The following TNNT3 variants were observed in gnomAD, a reference collection of about 807,000 sequenced individuals.
The protein encoded by TNNT3 is troponin T, fast skeletal muscle.
TNNT3 carries 36 observed loss-of-function variants against 54.2 expected under a neutral mutation model. That is an observed-to-expected ratio of 0.66 (90% confidence interval 0.51 to 0.88). The LOEUF is 0.88. Ranked by LOEUF, TNNT3 falls within the 40% of genes least tolerant of loss-of-function variation. TNNT3 has a pLI of 0.00. For missense variants in TNNT3, 291 were observed against 331.6 expected (o/e 0.88, Z 0.95); for synonymous variants, 120 against 109.7 (o/e 1.09, Z -0.59).
At chr11:1,925,484 C>A (rs1851326715) in intron 5 of TNNT3, 4 of 634,890 alleles carry the variant, frequency 6.3e-6, no homozygotes, top group African/African-American at 1.8e-5. Flanking sequence ...GGCCCCCTTC[C>A]CCACAGCCCC....
intron 15 of TNNT3, 39 bp downstream of exon 15, chr11:1,937,042 G>A (rs1855316197): frequency 6.4e-7 from 1 of 1,559,824 alleles, no homozygotes; most frequent in Admixed American, 1.9e-5. Flanking sequence ...ACTGGGCACA[G>A]GGGCCCTTGG....
Position 1,919,717 on chromosome 11 carries a change from G to T in TNNT3, c.-64G>T, listed in dbSNP as rs921077987. 6.6e-6 allele frequency: 1 copy of T among 152,292 alleles called. No individual in the cohort carries two copies. The highest frequency in any genetic ancestry group is 1.5e-5 in the Non-Finnish European group (1 of 68,112). 9.4% of individuals were successfully genotyped at this position (152,292 alleles called of 1,614,324 possible). On this transcript the variant is annotated 5_prime_UTR_variant, in exon 1 of 16. Coordinates refer to ENST00000278317, the MANE Select transcript of TNNT3 (RefSeq NM_006757.4). ...AGCCGGGCGCCAGTGCCTGCAGCCG[G>T]TGCTGTCCACAGGGAGCTCCAGCCC...
In TNNT3 at chr11:1,929,832, A is replaced by G; in HGVS notation, c.125+4A>G. ...CAGAGGAGAAACCGAGACCCAAGTG[A>G]GTGTGGGGTCCTGGCAGGCCCGCTG... On this transcript the variant is annotated splice_donor_region_variant and intron_variant, in intron 8 of 15. Transcript: ENST00000278317. The G allele has an allele frequency of 6.6e-7, 1 of 1,505,776 alleles. No homozygotes were observed. Among genetic ancestry groups the G allele is most frequent in the African/African-American group, 1.5e-5 (1 of 66,098 alleles). 93.3% of individuals were successfully genotyped at this position (1,505,776 alleles called of 1,614,324 possible). A position where few individuals can be genotyped will look rare whatever the true frequency, so the allele number is the denominator to read the frequency against.
rs565606575 is a variant in TNNT3, at chr11:1,935,456, C to T, written c.681+537C>T. On this transcript the variant is annotated intron_variant, in intron 14 of 15. Coordinates refer to ENST00000278317, the MANE Select transcript of TNNT3 (RefSeq NM_006757.4). ...GGGAAAAGGGGCCTGGGACTGTGCC[C>T]GTCTGGGACGGAGCAGAGCCACCAT... is the stretch of plus-strand genomic sequence containing the variant. The T allele has an allele frequency of 8.5e-4, 182 of 213,448 alleles. 1 individual carries two copies. Among genetic ancestry groups the T allele is most frequent in the African/African-American group, 3.9e-3 (170 of 43,914 alleles). The allele number at this position is 213,448 out of a possible 1,614,324, so 13.2% of individuals were successfully genotyped here.
chr11:1,929,904 G>A (rs377385915), intron 8 of TNNT3, 76 bp downstream of exon 8: 350 of 1,526,928 alleles, frequency 2.3e-4, no homozygotes, highest in Non-Finnish European at 2.9e-4. Flanking sequence ...GTGGGGTCCT[G>A]GCAGGCCCAG....
chr11:1,924,766 G>C (rs1564801000), intron 4 of TNNT3, among the ~76,000 whole-genome samples: 2 of 152,222 alleles, frequency 1.3e-5, no homozygotes, highest in Non-Finnish European at 2.9e-5. Flanking sequence ...CTGCAGAGCA[G>C]GACTTAACAA....
In TNNT3 at chr11:1,934,956, G is replaced by C. The variant is rs775252163; in HGVS notation, c.681+37G>C. On this transcript the variant is annotated intron_variant, in intron 14 of 15. Coordinates refer to ENST00000278317, the MANE Select transcript of TNNT3 (RefSeq NM_006757.4). Reference sequence around the variant, plus strand: ...CACCTCCGGCCCTGGGGCCCTAGCGGCTTTCACCCACCAGCAGAGCAGCCA... The same window carrying C: ...CACCTCCGGCCCTGGGGCCCTAGCGCCTTTCACCCACCAGCAGAGCAGCCA... The C allele has an allele frequency of 2.8e-5, 44 of 1,594,196 alleles. No individual in the cohort carries two copies. In the East Asian group the frequency reaches 9.6e-4, roughly 35 times the overall value.
At chr11:1,921,638 T>C (rs1330696520) in intron 1 of TNNT3, 1 of 152,192 alleles carries the variant, frequency 6.6e-6, no homozygotes. Flanking sequence ...GCATGGAGCT[T>C]AAGTTGCTCT....
At chr11:1,924,371 C>T (rs892438978) in intron 4 of TNNT3, among the ~76,000 whole-genome samples, 14 of 152,182 alleles carry the variant, frequency 9.2e-5, no homozygotes, top group African/African-American at 2.9e-4. Flanking sequence ...GTTCTCAGGC[C>T]GACGGCGCTG....
rs754060507 is a variant in TNNT3 at position 1,934,343 on chromosome 11, C to T, written c.378C>T (p.Ala126=). Residue 126 remains alanine (A), a synonymous_variant, in exon 12 of 16, where the codon GCC becomes GCT. Transcript: ENST00000278317. ...ERQNRLAEEK[A]RREEEDAKRR... is the part of the protein sequence containing the mutation. ...TGGGGTCTCCACAGGAGGAAAAGGC[C>T]AGAAGGGAGGAGGAGGATGCCAAGA... 5 of 1,613,526 alleles carry T rather than the reference C, an allele frequency of 3.1e-6. No homozygotes were observed. The highest frequency in any genetic ancestry group is 1.7e-5 in the Admixed American group (1 of 59,984).
intron 4 of TNNT3, among the ~76,000 whole-genome samples, chr11:1,924,160 C>T (rs73413019): frequency 0.02 from 3,029 of 152,230 alleles, 98 homozygotes; most frequent in African/African-American, 0.066. Flanking sequence ...GCCTCTCTGT[C>T]CCCATTTCTC....
In TNNT3 at chr11:1,934,582, G is replaced by A; in HGVS notation, c.517G>A (p.Glu173Lys). The change falls in exon 13 of 16, where the codon GAA becomes AAA. Residue 173 changes from glutamate (E) to lysine (K), a missense_variant. Physicochemically the swap from Glu to Lys is moderately conservative, Grantham distance 56. Transcript: ENST00000278317. Reference protein sequence around the residue: ...QKRGKKQTAREMKKKILAERR... With the variant: ...QKRGKKQTARKMKKKILAERR... ...GAGAGGCAAGAAGCAGACAGCCCGG[G>A]AAATGAAGAAGAAGATTCTGGCTGA... 1.9e-6 allele frequency: 3 copies of A among 1,609,760 alleles called. No individual in the cohort carries two copies. The highest frequency in any genetic ancestry group is 2.5e-6 in the Non-Finnish European group (3 of 1,178,494).
Position 1,934,888 on chromosome 11 carries a change from T to G in TNNT3, c.650T>G (p.Phe217Cys). 6.2e-7 allele frequency: 1 copy of G among 1,613,590 alleles called. No homozygotes were observed. The highest frequency in any genetic ancestry group is 8.5e-7 in the Non-Finnish European group (1 of 1,180,012). ...LHQLEIDKFE[F>C]GEKLKRQKYD... ...CAGCTGGAGATTGACAAGTTCGAGT[T>G]TGGGGAGAAGCTGAAACGCCAGAAA... is the stretch of plus-strand genomic sequence containing the variant. Residue 217 changes from phenylalanine to cysteine, a missense_variant, in exon 14 of 16, where the codon TTT becomes TGT. By Grantham distance (205) the Phe-to-Cys change is radical. Coordinates refer to ENST00000278317, the MANE Select transcript of TNNT3 (RefSeq NM_006757.4).
chr11:1,937,038 C>G, intron 15 of TNNT3, 35 bp downstream of exon 15: 1 of 1,568,138 alleles, frequency 6.4e-7, no homozygotes, highest in Non-Finnish European at 8.6e-7. Context: ...CCGCACTGGG[C>G]ACAGGGGCCC....
chr11:1,931,966 G>T (rs980914200), intron 8 of TNNT3, among the ~76,000 whole-genome samples: 1 of 152,178 alleles, frequency 6.6e-6, no homozygotes, highest in South Asian at 2.1e-4. Flanking sequence ...CGGAGAGGGG[G>T]CCTCATTTCC....
At chr11:1,934,677 G>A in intron 13 of TNNT3, 22 bp downstream of exon 13, 1 of 1,608,228 alleles carries the variant, frequency 6.2e-7, no homozygotes, top group Admixed American at 1.7e-5. Flanking sequence ...GTGTTGTGGG[G>A]CTCAGCCCCA....
chr11:1,934,263 C>A (rs1055126720), intron 11 of TNNT3, 69 bp from the exon 12 acceptor site: 1 of 1,458,180 alleles, frequency 6.9e-7, no homozygotes, highest in Non-Finnish European at 9.5e-7. Flanking sequence ...AGGGTGGGTC[C>A]CTAAAGCCTG....
At chr11:1,928,933 C>T (rs1852415033) in intron 6 of TNNT3, 187 bp from the exon 7 acceptor site, 1 of 713,882 alleles carries the variant, frequency 1.4e-6, no homozygotes, top group Non-Finnish European at 2.5e-6. Context: ...CACCCCCTCC[C>T]CAGGCATTGA....
At chr11:1,925,408 G>T in intron 5 of TNNT3, 1 of 1,004,712 alleles carries the variant, frequency 1.0e-6, no homozygotes, top group South Asian at 1.4e-5. Flanking sequence ...CCCCACATGT[G>T]GCCCTAATGT....
Sources: allele counts gnomAD v4.1 joint callset (sites outside exome capture counted in the v4.1 genomes callset), GRCh38; gene constraint gnomAD v4.1.1; transcripts MANE v1.5; gene names NCBI Gene and HGNC (gene_info 2026-07-23, HGNC 2026-07-21).